The following CHFR variants were observed in gnomAD, a reference collection of about 807,000 sequenced individuals.
CHFR encodes E3 ubiquitin-protein ligase CHFR.
In CHFR, 57 loss-of-function variants were observed where a neutral mutation model predicts 87.6. That is an observed-to-expected ratio of 0.65 (90% CI 0.53 to 0.81). CHFR has a LOEUF of 0.81. Ranked by LOEUF, CHFR falls within the 30% of genes least tolerant of loss-of-function variation. The pLI is 0.00. For missense variants in CHFR, 797 were observed against 865.8 expected, an observed-to-expected ratio of 0.92 and a Z score of 1.00; for synonymous variants, 381 against 359.2, an observed-to-expected ratio of 1.06 and a Z score of -0.69.
At chr12:132,858,940 C>CA in intron 8 of CHFR, 128 bp downstream of exon 8, 2 of 881,618 alleles carry the variant, frequency 2.3e-6, no homozygotes, top group South Asian at 1.8e-5. Context: ...ATCTGGGTGA[C>CA]AGAGTAACCT....
At chr12:132,852,520 G>C (rs540832390) in intron 11 of CHFR, among the ~76,000 whole-genome samples, 23 of 110,428 alleles carry the variant, frequency 2.1e-4, no homozygotes, top group African/African-American at 6.0e-4. Context: ...GAAAGACCCT[G>C]CGAGGTCAAC....
At chr12:132,852,566 G>C (rs1950971851) in intron 11 of CHFR, among the ~76,000 whole-genome samples, 1 of 152,208 alleles carries the variant, frequency 6.6e-6, no homozygotes, top group African/African-American at 2.4e-5. Flanking sequence ...CACCACCCAG[G>C]TTCACTGAGC....
intron 3 of CHFR, among the ~76,000 whole-genome samples, chr12:132,877,220 A>G (rs1951649635): frequency 6.6e-6 from 1 of 152,194 alleles, no homozygotes; most frequent in Admixed American, 6.5e-5. Flanking sequence ...ACAACTGCCT[A>G]TAGCATTCAG....
intron 15 of CHFR, among the ~76,000 whole-genome samples, chr12:132,846,476 T>C (rs73489155): frequency 0.83 from 125,459 of 151,376 alleles, 54,453 homozygotes; most frequent in Non-Finnish European, 0.98. Flanking sequence ...TTTACCGTGT[T>C]AGCCAGGATG....
rs60018437 is a variant in CHFR, at chr12:132,834,712, CTTTTTT to C, written c.*6836_*6841del. ...CTTCCTGCCTTTGACTTCTTGCTTG[CTTTTTT>C]TTTTTTTTTTTTTTTGAGATAGAGT... On this transcript the variant is annotated 3_prime_UTR_variant, in exon 18 of 18. Coordinates refer to ENST00000450056, the MANE Select transcript of CHFR (RefSeq NM_001161346.2). 6 of 135,368 alleles carry C rather than the reference CTTTTTT, an allele frequency of 4.4e-5. No homozygotes were observed. The highest frequency in any genetic ancestry group is 2.4e-4 in the South Asian group (1 of 4,162). The allele number at this position is 135,368 out of a possible 1,614,324, so 8.4% of individuals were successfully genotyped here.
intron 6 of CHFR, among the ~76,000 whole-genome samples, chr12:132,865,615 C>T (rs1012118463): frequency 2.7e-5 from 4 of 146,084 alleles, no homozygotes; most frequent in Non-Finnish European, 6.0e-5. Context: ...TCAAGTGATT[C>T]GCCTGTCTTG....
At chr12:132,887,122 C>A in intron 2 of CHFR, 74 bp downstream of exon 2, 1 of 1,298,182 alleles carries the variant, frequency 7.7e-7, no homozygotes, top group Non-Finnish European at 1.0e-6. Flanking sequence ...CACTGCACCG[C>A]CGCCCGTGTG....
At chr12:132,854,534 TTG>T (rs1168581807) in intron 10 of CHFR, 1 of 152,202 alleles carries the variant, frequency 6.6e-6, no homozygotes, top group African/African-American at 2.4e-5. Flanking sequence ...ATAAAAATAT[TTG>T]TTTCTCATGC....
intron 2 of CHFR, among the ~76,000 whole-genome samples, chr12:132,882,751 G>C (rs1001062410): frequency 6.6e-6 from 1 of 151,490 alleles, no homozygotes; most frequent in Non-Finnish European, 1.5e-5. Context: ...TGTTACCCCA[G>C]CTGTGGTGCA....
intron 12 of CHFR, chr12:132,850,038 C>T (rs896796275): frequency 4.6e-5 from 7 of 152,166 alleles, no homozygotes; most frequent in African/African-American, 1.7e-4. Flanking sequence ...ACTGCAACCT[C>T]TGCCTCCCGG....
chr12:132,848,788 C>T (rs1194721261), intron 12 of CHFR, 64 bp from the exon 13 acceptor site: 2 of 1,223,966 alleles, frequency 1.6e-6, no homozygotes, highest in African/African-American at 1.5e-5. Context: ...CACAATTCGT[C>T]AGCACCAGGC....
chr12:132,867,948 G>A (rs1322266754), intron 6 of CHFR: 2 of 141,550 alleles, frequency 1.4e-5, no homozygotes, highest in Non-Finnish European at 3.2e-5. Flanking sequence ...ATAGAGAATA[G>A]CTAAGAAAAT....
intron 5 of CHFR, 146 bp downstream of exon 5, chr12:132,870,578 T>G: frequency 1.9e-6 from 1 of 533,560 alleles, no homozygotes; most frequent in Non-Finnish European, 3.4e-6. Context: ...GGGAATTGCT[T>G]GAACCCAGGA....
intron 5 of CHFR, among the ~76,000 whole-genome samples, 165 bp downstream of exon 5, chr12:132,870,559 C>T (rs1341183788): frequency 1.3e-5 from 2 of 148,238 alleles, no homozygotes; most frequent in Middle Eastern, 3.6e-3. Flanking sequence ...AAATGGGAGA[C>T]TGAAGCAGGG....
chr12:132,847,809 T>C, intron 14 of CHFR: 1 of 1,295,686 alleles, frequency 7.7e-7, no homozygotes, highest in Non-Finnish European at 9.9e-7. Flanking sequence ...GAACAAGAGC[T>C]GCCGGGAACA....
At chr12:132,848,482 C>T (rs1950873657) in intron 13 of CHFR, 159 bp downstream of exon 13, 2 of 696,612 alleles carry the variant, frequency 2.9e-6, no homozygotes, top group African/African-American at 1.8e-5. Flanking sequence ...GAATTTGACA[C>T]ACCTCTGCAG....
chr12:132,841,546 C>CT lies in CHFR; in HGVS notation c.*7dup. On this transcript the variant is annotated 3_prime_UTR_variant, in exon 18 of 18. Coordinates refer to ENST00000450056, the MANE Select transcript of CHFR (RefSeq NM_001161346.2). ...CAGTGCTGAAAGCTGCTCAGGGCCT[C>CT]TGGATGCTTAGTTTTTGAACCTTGT... 6.2e-7 allele frequency: 1 copy of CT among 1,612,740 alleles called. No individual in the cohort carries two copies. The highest frequency in any genetic ancestry group is 1.1e-5 in the South Asian group (1 of 91,064).
At chr12:132,847,246 G>C (rs1950851166) in intron 14 of CHFR, 116 bp from the exon 15 acceptor site, 1 of 1,485,860 alleles carries the variant, frequency 6.7e-7, no homozygotes, top group Non-Finnish European at 9.0e-7. Context: ...CCAAAGCTCA[G>C]ACCCTTATAA....
chr12:132,886,854 T>C (rs536644506), intron 2 of CHFR, among the ~76,000 whole-genome samples: 1 of 152,366 alleles, frequency 6.6e-6, no homozygotes, highest in East Asian at 1.9e-4. Context: ...TGGTGTTTCA[T>C]GTCCACATAT....
Sources: gnomAD v4.1 joint callset for allele counts (sites outside exome capture counted in the v4.1 genomes callset) on GRCh38, gnomAD v4.1.1 for gene constraint, MANE v1.5 for transcripts, NCBI Gene and HGNC (gene_info 2026-07-23, HGNC 2026-07-21) for gene names.